NMNAT2: variants seen among roughly 807,000 people sequenced by gnomAD.
NMNAT2 encodes the protein nicotinamide/nicotinic acid mononucleotide adenylyltransferase 2.
In NMNAT2, 11 loss-of-function variants were observed where a neutral mutation model predicts 41.6. The observed-to-expected ratio is 0.26, with a 90% CI of 0.17 to 0.44. The LOEUF (loss-of-function observed/expected upper bound fraction) is 0.44. Ranked by LOEUF, NMNAT2 falls within the 20% of genes least tolerant of loss-of-function variation. The probability of loss-of-function intolerance (pLI) is 1.00; values close to 1 mark genes in which losing one functional copy is unlikely to be tolerated. For synonymous variants in NMNAT2, 148 were observed against 151.2 expected (o/e 0.98, Z 0.16); for missense variants, 288 against 407.7 (o/e 0.71, Z 2.53).
intron 1 of NMNAT2, among the ~76,000 whole-genome samples, chr1:183,315,530 A>G (rs1356491735): frequency 6.6e-6 from 1 of 152,152 alleles, no homozygotes; most frequent in East Asian, 1.9e-4. Context: ...CTTTTAAAAT[A>G]TGAGTAGCTT....
At chr1:183,389,814 A>AGGG (rs1557897688) in intron 1 of NMNAT2, among the ~76,000 whole-genome samples, 4 of 84,720 alleles carry the variant, frequency 4.7e-5, no homozygotes, top group African/African-American at 7.7e-5. Flanking sequence ...GAAAGAAAGA[A>AGGG]AGAAAGAAAG....
intron 1 of NMNAT2, among the ~76,000 whole-genome samples, chr1:183,360,038 A>G (rs780959448): frequency 6.6e-6 from 1 of 152,122 alleles, no homozygotes; most frequent in Admixed American, 6.6e-5. Context: ...CTAAAGGTGA[A>G]TTAAGTGCCT....
At chr1:183,363,086 GTA>G (rs1663339713) in intron 1 of NMNAT2, among the ~76,000 whole-genome samples, 1 of 152,062 alleles carries the variant, frequency 6.6e-6, no homozygotes, top group South Asian at 2.1e-4. Flanking sequence ...TGCCATTTGT[GTA>G]TCTTCTTTGG....
intron 8 of NMNAT2, among the ~76,000 whole-genome samples, chr1:183,268,322 T>C (rs547850871): frequency 7.0e-4 from 106 of 152,314 alleles, no homozygotes; most frequent in African/African-American, 2.5e-3. Flanking sequence ...ACTTGTGGTC[T>C]TAGCCAGGCA....
Position 183,372,233 on chromosome 1 carries a change from C to T in NMNAT2, c.85+45950G>A, listed in dbSNP as rs6669841. On this transcript the variant is annotated intron_variant, in intron 1 of 10. Coordinates refer to ENST00000287713, the MANE Select transcript of NMNAT2 (RefSeq NM_015039.4). ...GTGCCTCTCAAGGAACTGTACTGCC[C>T]GGCATTGGCTAGTGAAAAAAATTAG... 9.8e-3 allele frequency among the ~76,000 whole-genome samples: 1,484 copies of T among 152,164 alleles called. 23 individuals are homozygous for T. Among genetic ancestry groups the T allele is most frequent in the African/African-American group, 0.034 (1,403 of 41,490 alleles).
chr1:183,349,374 TC>T (rs1273335567), intron 1 of NMNAT2, among the ~76,000 whole-genome samples: 1 of 152,204 alleles, frequency 6.6e-6, no homozygotes, highest in Non-Finnish European at 1.5e-5. Flanking sequence ...GGACCAGTCA[TC>T]CTTAAATGGT....
intron 1 of NMNAT2, among the ~76,000 whole-genome samples, chr1:183,398,246 G>A (rs1463691490): frequency 6.6e-6 from 1 of 152,096 alleles, no homozygotes; most frequent in Non-Finnish European, 1.5e-5. Context: ...ACAAAAAAAA[G>A]CAGGGGTTGC....
intron 1 of NMNAT2, among the ~76,000 whole-genome samples, chr1:183,371,915 G>A (rs2101911405): frequency 6.6e-6 from 1 of 152,168 alleles, no homozygotes; most frequent in Non-Finnish European, 1.5e-5. Flanking sequence ...GAGTAGCTGG[G>A]ACCACAGGCG....
At chr1:183,403,611 C>A (rs939774660) in intron 1 of NMNAT2, among the ~76,000 whole-genome samples, 2 of 152,112 alleles carry the variant, frequency 1.3e-5, no homozygotes, top group African/African-American at 4.8e-5. Context: ...AAGTGCAGTG[C>A]GAAGGGCAAA....
intron 1 of NMNAT2, among the ~76,000 whole-genome samples, chr1:183,344,511 T>C (rs562220948): frequency 1.3e-5 from 2 of 152,324 alleles, no homozygotes; most frequent in African/African-American, 2.4e-5. Flanking sequence ...AGCACAAATT[T>C]GCCTTTTCAT....
chr1:183,323,932 A>G (rs1389253494), intron 1 of NMNAT2, among the ~76,000 whole-genome samples: 1 of 152,206 alleles, frequency 6.6e-6, no homozygotes, highest in African/African-American at 2.4e-5. Flanking sequence ...GAGTTTATTT[A>G]GGCAAATGAG....
intron 1 of NMNAT2, among the ~76,000 whole-genome samples, chr1:183,417,411 G>C (rs998931611): frequency 6.6e-6 from 1 of 151,920 alleles, no homozygotes; most frequent in Non-Finnish European, 1.5e-5. Flanking sequence ...CAAGCCTTCC[G>C]AGTGCCATCG....
intron 1 of NMNAT2, among the ~76,000 whole-genome samples, chr1:183,349,851 G>A (rs74129750): frequency 6.6e-6 from 1 of 152,168 alleles, no homozygotes; most frequent in Non-Finnish European, 1.5e-5. Flanking sequence ...CTGGGAGGGG[G>A]AAGTAGGAAG....
chr1:183,270,352 A>T (rs1206933411), intron 8 of NMNAT2, among the ~76,000 whole-genome samples: 1 of 152,116 alleles, frequency 6.6e-6, no homozygotes, highest in Admixed American at 6.6e-5. Flanking sequence ...CAAAGAGAGA[A>T]CTTGTGACAA....
intron 1 of NMNAT2, among the ~76,000 whole-genome samples, chr1:183,346,296 C>T (rs74129746): frequency 0.027 from 4,124 of 152,260 alleles, 164 homozygotes; most frequent in African/African-American, 0.094. Flanking sequence ...TTTACCTTTA[C>T]TTGCCTTTCC....
At chr1:183,330,334 G>T (rs1181338154) in intron 1 of NMNAT2, among the ~76,000 whole-genome samples, 1 of 152,230 alleles carries the variant, frequency 6.6e-6, no homozygotes, top group Non-Finnish European at 1.5e-5. Context: ...CCAGGATTTG[G>T]TGAGACATCT....
chr1:183,305,721 T>C (rs915187905), intron 1 of NMNAT2, among the ~76,000 whole-genome samples: 1 of 149,830 alleles, frequency 6.7e-6, no homozygotes, highest in African/African-American at 2.5e-5. Context: ...ACAGCCTTTT[T>C]TTTTTTTTTT....
intron 1 of NMNAT2, among the ~76,000 whole-genome samples, chr1:183,414,065 C>T (rs1310358181): frequency 2.0e-5 from 3 of 152,170 alleles, no homozygotes; most frequent in South Asian, 2.1e-4. Context: ...GGCATTAGAC[C>T]TCTGACTGGC....
intron 1 of NMNAT2, among the ~76,000 whole-genome samples, chr1:183,322,573 T>C (rs577085971): frequency 6.6e-6 from 1 of 152,120 alleles, no homozygotes; most frequent in Admixed American, 6.5e-5. Flanking sequence ...AGCTGAGAGC[T>C]CCCACAGATT....
Sources: allele counts gnomAD v4.1 joint callset (sites outside exome capture counted in the v4.1 genomes callset), GRCh38; gene constraint gnomAD v4.1.1; transcripts MANE v1.5; gene names NCBI Gene and HGNC (gene_info 2026-07-23, HGNC 2026-07-21).